CSMD3: variants seen among roughly 807,000 people sequenced by gnomAD.
CSMD3 encodes the protein CUB and Sushi multiple domains 3.
CSMD3 carries 177 observed loss-of-function variants against 435.2 expected under a neutral mutation model. The ratio of observed to expected loss-of-function variants is 0.41; its 90% CI spans 0.36 to 0.46. CSMD3 has a LOEUF of 0.46. Ranked by LOEUF, CSMD3 falls within the 20% of genes least tolerant of loss-of-function variation. The pLI is 0.34. For synonymous variants in CSMD3, 1,656 were observed against 1,520.5 expected (o/e 1.09, Z -2.07); for missense variants, 4,265 against 4,504.6 (o/e 0.95, Z 1.52).
chr8:112,291,524 A>T lies in CSMD3; in HGVS notation c.8960T>A (p.Leu2987Ter), dbSNP rs2130676002. 6.2e-7 allele frequency: 1 copy of T among 1,606,048 alleles called. No individual in the cohort carries two copies. Among genetic ancestry groups the T allele is most frequent in the Non-Finnish European group, 8.5e-7 (1 of 1,173,296 alleles). ...CQPNGQWDKP[L>*]PECIMIDCGH... is the part of the protein sequence containing the mutation. ...TATCTACTTACTGATACATTCTGGT[A>T]AAGGTTTGTCCCATTGTCCATTTGG... is the stretch of plus-strand genomic sequence containing the variant. The change falls in exon 56 of 71, where the codon TTA becomes TAA. Residue 2987 changes from leucine (L) to a stop codon, truncating the protein, a stop_gained. Coordinates refer to ENST00000297405, the MANE Select transcript of CSMD3 (RefSeq NM_198123.2). LOFTEE classifies it high-confidence loss of function.
chr8:112,643,046 T>C (rs2074877911), intron 20 of CSMD3, among the ~76,000 whole-genome samples: 1 of 152,118 alleles, frequency 6.6e-6, no homozygotes, highest in Non-Finnish European at 1.5e-5. Flanking sequence ...TAGGAGTGTT[T>C]AGTCTGGGAA....
intron 6 of CSMD3, among the ~76,000 whole-genome samples, chr8:113,009,255 A>G (rs10505199): frequency 0.6 from 91,510 of 151,416 alleles, 29,269 homozygotes; most frequent in East Asian, 0.95. Flanking sequence ...GCTACCATGC[A>G]AACAACTTTT....
At position 112,414,640 on chromosome 8, in the gene CSMD3, G is replaced by T. The variant is rs991576023; in HGVS notation, c.5396-5608C>A. Among the ~76,000 whole-genome samples, 8 of 152,146 alleles carry T rather than the reference G, an allele frequency of 5.3e-5. 1 individual carries two copies. Among genetic ancestry groups the T allele is most frequent in the Admixed American group, 2.0e-4 (3 of 15,266 alleles). On this transcript the variant is annotated intron_variant, in intron 32 of 70. Transcript: ENST00000297405. ...AAATGTGGAAGCAACTTTGGAACTA[G>T]GTAAGAGGCAAAAGTTAGAAAGTTT...
chr8:112,659,401 A>G (rs2075327560), intron 17 of CSMD3, among the ~76,000 whole-genome samples: 1 of 152,192 alleles, frequency 6.6e-6, no homozygotes. Context: ...TGGTAGCACT[A>G]AATGTTATTA....
chr8:113,019,881 T>C (rs1433267094), intron 5 of CSMD3, among the ~76,000 whole-genome samples: 1 of 152,138 alleles, frequency 6.6e-6, no homozygotes, highest in Non-Finnish European at 1.5e-5. Flanking sequence ...TATATAATTC[T>C]GGCCGGGCGC....
At chr8:112,634,787 C>T (rs772509294) in intron 22 of CSMD3, among the ~76,000 whole-genome samples, 6 of 151,184 alleles carry the variant, frequency 4.0e-5, no homozygotes, top group Non-Finnish European at 8.9e-5. Context: ...GGCATGTATT[C>T]GGTTACTCTG....
At chr8:112,818,519 A>G (rs545550714) in intron 12 of CSMD3, among the ~76,000 whole-genome samples, 9 of 152,350 alleles carry the variant, frequency 5.9e-5, no homozygotes, top group African/African-American at 1.9e-4. Flanking sequence ...TGCTGAATAA[A>G]ATGTCTAAAT....
intron 5 of CSMD3, among the ~76,000 whole-genome samples, chr8:113,067,864 G>C (rs1315400239): frequency 6.6e-6 from 1 of 152,032 alleles, no homozygotes; most frequent in Non-Finnish European, 1.5e-5. Context: ...TAAATGGTCT[G>C]AGCAACTCTC....
chr8:112,506,903 C>T (rs1158356023), intron 28 of CSMD3, 74 bp from the exon 29 acceptor site: 3 of 1,361,118 alleles, frequency 2.2e-6, no homozygotes, highest in Non-Finnish European at 2.1e-6. Context: ...TTTTTGAAAT[C>T]ACGTCTCTAA....
At chr8:113,371,571 G>T (rs1367769946) in intron 1 of CSMD3, among the ~76,000 whole-genome samples, 1 of 152,022 alleles carries the variant, frequency 6.6e-6, no homozygotes, top group African/African-American at 2.4e-5. Context: ...CTGCTCAGAT[G>T]GCAATTGCCT....
chr8:112,472,885 C>A (rs1220954771), intron 31 of CSMD3, among the ~76,000 whole-genome samples, 178 bp from the exon 32 acceptor site: 3 of 151,996 alleles, frequency 2.0e-5, no homozygotes, highest in Admixed American at 1.3e-4. Flanking sequence ...AGTGTACAAA[C>A]AAAACTTTAT....
At chr8:113,023,978 T>C in intron 5 of CSMD3, among the ~76,000 whole-genome samples, 1 of 152,148 alleles carries the variant, frequency 6.6e-6, no homozygotes, top group Non-Finnish European at 1.5e-5. Context: ...ATCTTTTTCG[T>C]TGACTATAGT....
chr8:112,298,208 G>C (rs1025040030), intron 53 of CSMD3, among the ~76,000 whole-genome samples: 19 of 151,836 alleles, frequency 1.3e-4, no homozygotes, highest in Admixed American at 6.6e-4. Context: ...TCTTTGTAGA[G>C]TTTCATAAAC....
At chr8:112,512,997 T>C (rs1426988925) in intron 28 of CSMD3, among the ~76,000 whole-genome samples, 2 of 152,180 alleles carry the variant, frequency 1.3e-5, no homozygotes, top group Non-Finnish European at 2.9e-5. Context: ...TTTTCACCCA[T>C]CTATGTCTTT....
intron 1 of CSMD3, among the ~76,000 whole-genome samples, chr8:113,413,777 T>C (rs1475797642): frequency 6.6e-6 from 1 of 152,132 alleles, no homozygotes; most frequent in African/African-American, 2.4e-5. Flanking sequence ...GAAAAACTGG[T>C]AAGTGATGTA....
intron 1 of CSMD3, among the ~76,000 whole-genome samples, chr8:113,385,571 A>G (rs2133124509): frequency 6.6e-6 from 1 of 152,234 alleles, no homozygotes; most frequent in South Asian, 2.1e-4. Flanking sequence ...GGCTTTGACT[A>G]ACATTTTTTG....
intron 22 of CSMD3, among the ~76,000 whole-genome samples, chr8:112,591,934 T>A (rs1449962298): frequency 6.6e-6 from 1 of 152,044 alleles, no homozygotes; most frequent in African/African-American, 2.4e-5. Flanking sequence ...CATCTTTATG[T>A]GTCCCTAAAA....
At chr8:112,831,028 C>T (rs1253760639) in intron 11 of CSMD3, among the ~76,000 whole-genome samples, 1 of 152,050 alleles carries the variant, frequency 6.6e-6, no homozygotes, top group Non-Finnish European at 1.5e-5. Flanking sequence ...GCCTCGTGAT[C>T]CGCCCACCTC....
chr8:112,581,406 T>C (rs545713720), intron 23 of CSMD3, among the ~76,000 whole-genome samples: 2 of 152,192 alleles, frequency 1.3e-5, no homozygotes, highest in East Asian at 1.9e-4. Context: ...TATCTAATAA[T>C]ATATCACCAA....
Sources: allele counts gnomAD v4.1 joint callset (sites outside exome capture counted in the v4.1 genomes callset), GRCh38; gene constraint gnomAD v4.1.1; transcripts MANE v1.5; gene names NCBI Gene and HGNC (gene_info 2026-07-23, HGNC 2026-07-21).